Variants in NDUFA5 observed in about 807,000 individuals in gnomAD.
The protein encoded by NDUFA5 is NADH:ubiquinone oxidoreductase subunit A5.
In NDUFA5, 11 loss-of-function variants were observed where a neutral mutation model predicts 19.8. That is an observed-to-expected ratio of 0.56 (90% CI 0.35 to 0.92). The LOEUF is 0.92. Among genes scored for constraint, NDUFA5 ranks in the 40% least tolerant of loss-of-function variants. NDUFA5 has a pLI of 0.01. For synonymous variants in NDUFA5, 47 were observed against 46.8 expected, an observed-to-expected ratio of 1.00 and a Z score of -0.01; for missense variants, 109 against 134.2, an observed-to-expected ratio of 0.81 and a Z score of 0.93.
the NDUFA5 span, chr7:123,596,289 C>G: frequency 6.6e-6 from 1 of 152,060 alleles, no homozygotes; most frequent in Admixed American, 6.6e-5. Flanking sequence ...AGAGTGACAT[C>G]TTTTAATGGT....
the NDUFA5 span, among the ~76,000 whole-genome samples, chr7:123,567,753 A>G: frequency 2.0e-5 from 3 of 152,164 alleles, no homozygotes; most frequent in African/African-American, 7.2e-5. Flanking sequence ...ATTTTTCAAG[A>G]CTGGTAGCAA....
rs750105175 is a variant in NDUFA5, at chr7:123,557,267, C to T, written c.66+137G>A. 16 of 1,222,740 alleles carry T rather than the reference C, an allele frequency of 1.3e-5. No individual in the cohort carries two copies. In the South Asian group the frequency reaches 2.0e-4, roughly 16 times the overall value. The allele number at this position is 1,222,740 out of a possible 1,614,324, so 75.7% of individuals were successfully genotyped here. A position where few individuals can be genotyped will look rare whatever the true frequency, so the allele number is the denominator to read the frequency against. On this transcript the variant is annotated intron_variant, in intron 2 of 4. Coordinates refer to ENST00000355749, the MANE Select transcript of NDUFA5 (RefSeq NM_005000.5). The stretch of plus-strand genomic sequence containing the variant: ...GATCAACGAAGTAGGTGGACAGCGC[C>T]CGTGTCTCAAGAGCTCACGCGGCTT...
the NDUFA5 span, among the ~76,000 whole-genome samples, chr7:123,579,944 CT>C: frequency 6.6e-6 from 1 of 152,022 alleles, no homozygotes; most frequent in East Asian, 1.9e-4. Context: ...TGTCCAAAGC[CT>C]GTTACACCTC....
intron 3 of NDUFA5, among the ~76,000 whole-genome samples, chr7:123,546,976 T>C (rs73222278): frequency 0.23 from 35,522 of 152,020 alleles, 4,796 homozygotes; most frequent in East Asian, 0.32. Flanking sequence ...ATTATAAGTG[T>C]CCTTATAAGA....
the NDUFA5 span, among the ~76,000 whole-genome samples, chr7:123,582,177 G>T: frequency 6.6e-6 from 1 of 151,944 alleles, no homozygotes; most frequent in Admixed American, 6.6e-5. Flanking sequence ...CTCCTGCAGT[G>T]GTTCTCAGGC....
the NDUFA5 span, among the ~76,000 whole-genome samples, chr7:123,580,261 G>T: frequency 6.6e-6 from 1 of 152,042 alleles, no homozygotes; most frequent in Admixed American, 6.6e-5. Context: ...TAAGGTGGCA[G>T]ATGAAGTCCT....
At chr7:123,572,507 T>C in the NDUFA5 span, among the ~76,000 whole-genome samples, 110,830 of 151,644 alleles carry the variant, frequency 0.73, 40,695 homozygotes, top group African/African-American at 0.81. Context: ...TTTATATATT[T>C]TATGTTCTTT....
chr7:123,559,111 G>A (rs1231737653), upstream of NDUFA5, among the ~76,000 whole-genome samples: 2 of 151,834 alleles, frequency 1.3e-5, no homozygotes, highest in Non-Finnish European at 2.9e-5. Context: ...TTTAATACAA[G>A]CAAGAATAAA....
At chr7:123,550,288 A>G in intron 3 of NDUFA5, 182 bp downstream of exon 3, 1 of 524,988 alleles carries the variant, frequency 1.9e-6, no homozygotes, top group Non-Finnish European at 3.4e-6. Flanking sequence ...TATGTAACAG[A>G]GGCCTGCATA....
intron 1 of NDUFA5, 130 bp downstream of exon 1, chr7:123,557,645 T>G (rs769484232): frequency 3.1e-6 from 5 of 1,613,636 alleles, no homozygotes; most frequent in Non-Finnish European, 4.2e-6. Context: ...CGGTAAGGCA[T>G]GCAGAACGAG....
chr7:123,556,953 A>G, intron 2 of NDUFA5: 1 of 461,160 alleles, frequency 2.2e-6, no homozygotes. Flanking sequence ...AAGAAGAATA[A>G]AAAAATTTTG....
chr7:123,562,547 T>C (rs1458368604), upstream of NDUFA5, among the ~76,000 whole-genome samples: 1 of 152,220 alleles, frequency 6.6e-6, no homozygotes, highest in African/African-American at 2.4e-5. Flanking sequence ...TGCTTCACCT[T>C]GCACTTTTAT....
intron 2 of NDUFA5, among the ~76,000 whole-genome samples, chr7:123,552,448 G>T (rs1347650484): frequency 2.6e-5 from 4 of 151,786 alleles, no homozygotes; most frequent in Admixed American, 6.6e-5. Context: ...AGAACACATG[G>T]ACACAGGGAG....
the NDUFA5 span, among the ~76,000 whole-genome samples, chr7:123,573,702 C>A: frequency 2.0e-5 from 3 of 152,118 alleles, no homozygotes; most frequent in Admixed American, 6.6e-5. Context: ...CTTCTGTATC[C>A]TTCCAGGAGT....
Position 123,537,464 on chromosome 7 carries a change from T to G in NDUFA5, c.*4655A>C, listed in dbSNP as rs1162041141. The G allele has an allele frequency of 6.6e-6, 1 of 152,190 alleles. No individual in the cohort carries two copies. Among genetic ancestry groups the G allele is most frequent in the Non-Finnish European group, 1.5e-5 (1 of 68,016 alleles). The allele number at this position is 152,190 out of a possible 1,614,324, so 9.4% of individuals were successfully genotyped here. Reference sequence around the variant, plus strand: ...ATGGAAATATAGGTCTATTGTCCCTTTTCTGAAACCTTTTAAGACAGATGT... The same window carrying G: ...ATGGAAATATAGGTCTATTGTCCCTGTTCTGAAACCTTTTAAGACAGATGT... On this transcript the variant is annotated 3_prime_UTR_variant, in exon 5 of 5. Coordinates refer to ENST00000355749, the MANE Select transcript of NDUFA5 (RefSeq NM_005000.5).
intron 2 of NDUFA5, among the ~76,000 whole-genome samples, chr7:123,552,875 C>T (rs992245943): frequency 3.3e-5 from 5 of 152,146 alleles, no homozygotes; most frequent in African/African-American, 4.8e-5. Flanking sequence ...GCCCACAGCA[C>T]AAGCACCATC....
chr7:123,590,638 T>C, the NDUFA5 span, among the ~76,000 whole-genome samples: 1 of 152,116 alleles, frequency 6.6e-6, no homozygotes, highest in African/African-American at 2.4e-5. Flanking sequence ...TATAGATGTG[T>C]GGTGTTATTT....
At chr7:123,578,053 C>A in the NDUFA5 span, among the ~76,000 whole-genome samples, 1 of 151,302 alleles carries the variant, frequency 6.6e-6, no homozygotes, top group Non-Finnish European at 1.5e-5. Context: ...GCCCCCCACC[C>A]CATGACAGGC....
chr7:123,597,375 G>A, the NDUFA5 span, among the ~76,000 whole-genome samples: 1 of 152,092 alleles, frequency 6.6e-6, no homozygotes, highest in Non-Finnish European at 1.5e-5. Flanking sequence ...CTAGTATGTT[G>A]TTATAATTGT....
Sources: allele counts gnomAD v4.1 joint callset (sites outside exome capture counted in the v4.1 genomes callset), GRCh38; gene constraint gnomAD v4.1.1; transcripts MANE v1.5; gene names NCBI Gene and HGNC (gene_info 2026-07-23, HGNC 2026-07-21).